SPSB4: variants seen among roughly 807,000 people sequenced by gnomAD.
SPSB4 encodes SPRY domain-containing SOCS box protein 4.
In SPSB4, 21 loss-of-function variants were observed where a neutral mutation model predicts 20.9. That is an observed-to-expected ratio of 1.01 (90% confidence interval 0.71 to 1.45). The LOEUF is 1.45. Among genes scored for constraint, SPSB4 ranks in the 40% most tolerant of loss-of-function variants. The probability of loss-of-function intolerance (pLI) is 0.00; values close to 1 mark genes in which losing one functional copy is unlikely to be tolerated. For synonymous variants in SPSB4, 207 were observed against 183.8 expected (o/e 1.13, Z -1.02); for missense variants, 399 against 399.2 (o/e 1.00, Z 0.00).
At chr3:141,093,695 C>T (rs954736081) in intron 2 of SPSB4, among the ~76,000 whole-genome samples, 2 of 152,160 alleles carry the variant, frequency 1.3e-5, no homozygotes, top group African/African-American at 4.8e-5. Context: ...TCCCATCATC[C>T]CACATGCATA....
At chr3:141,095,258 T>C (rs1182270942) in intron 2 of SPSB4, among the ~76,000 whole-genome samples, 1 of 152,082 alleles carries the variant, frequency 6.6e-6, no homozygotes, top group Non-Finnish European at 1.5e-5. Context: ...GCGGAGAGCA[T>C]GTTCAGGAAG....
intron 2 of SPSB4, among the ~76,000 whole-genome samples, chr3:141,142,822 TTTTTTTTTTTTTGA>T (rs1297722483): frequency 2.1e-4 from 25 of 116,518 alleles, no homozygotes; most frequent in African/African-American, 9.4e-4. Flanking sequence ...TTTTTTTTTT[TTTTTTTTTTTTTGA>T]GACAGAGTCT....
At chr3:141,147,088 A>C in intron 2 of SPSB4, 54 bp from the exon 3 acceptor site, 1 of 1,604,072 alleles carries the variant, frequency 6.2e-7, no homozygotes, top group South Asian at 1.1e-5. Flanking sequence ...GGCTGGGATG[A>C]GAAGGTGCCA....
intron 2 of SPSB4, among the ~76,000 whole-genome samples, chr3:141,099,305 C>T (rs1938585005): frequency 6.6e-6 from 1 of 152,076 alleles, no homozygotes; most frequent in Admixed American, 6.5e-5. Flanking sequence ...CTGCCTCAGC[C>T]TCCCGTGTAG....
At chr3:141,055,084 G>A (rs1398948380) in intron 1 of SPSB4, among the ~76,000 whole-genome samples, 1 of 152,238 alleles carries the variant, frequency 6.6e-6, no homozygotes, top group African/African-American at 2.4e-5. Flanking sequence ...TACGAGTATT[G>A]GAGATAAAGG....
chr3:141,107,553 C>A (rs755870909), intron 2 of SPSB4, among the ~76,000 whole-genome samples: 8 of 152,198 alleles, frequency 5.3e-5, no homozygotes, highest in Admixed American at 2.6e-4. Flanking sequence ...AAGGTAGTCC[C>A]TTAGGTTTCT....
intron 2 of SPSB4, among the ~76,000 whole-genome samples, chr3:141,134,037 T>TTTC (rs201327285): frequency 0.28 from 31,472 of 114,178 alleles, 4,311 homozygotes; most frequent in African/African-American, 0.42. Context: ...TTTCTTTTCT[T>TTTC]TTTTTTTTTT....
In SPSB4 at chr3:141,066,430, G is replaced by T; in HGVS notation, c.326G>T (p.Arg109Leu). 4.0e-6 allele frequency: 6 copies of T among 1,514,008 alleles called. No homozygotes were observed. Among genetic ancestry groups the T allele is most frequent in the Non-Finnish European group, 5.3e-6 (6 of 1,132,376 alleles). 93.8% of individuals were successfully genotyped at this position (1,514,008 alleles called of 1,614,324 possible). ...CAGATCAACTGGCCGGCTCGGCAGC[G>T]CGGCACCCACGCTGTAGTTGGTGTG... The part of the protein sequence containing the change: ...AWQINWPARQ[R>L]GTHAVVGVAT... The change falls in exon 2 of 3, where the codon CGC (arginine) becomes CTC (leucine). Residue 109 changes from arginine (R) to leucine (L), a missense_variant. Arg to Leu is a moderately radical substitution (Grantham distance 102, BLOSUM62 -2). Coordinates refer to ENST00000310546, the MANE Select transcript of SPSB4 (RefSeq NM_080862.3).
At chr3:141,105,232 G>A (rs923308607) in intron 2 of SPSB4, among the ~76,000 whole-genome samples, 2 of 152,224 alleles carry the variant, frequency 1.3e-5, no homozygotes, top group Admixed American at 6.5e-5. Flanking sequence ...TGAGGCTGAG[G>A]TGCGTGGTGA....
chr3:141,094,929 A>C (rs576790597), intron 2 of SPSB4, among the ~76,000 whole-genome samples: 14 of 151,782 alleles, frequency 9.2e-5, no homozygotes, highest in Non-Finnish European at 1.8e-4. Flanking sequence ...CTTGTCTCCG[A>C]GACCTCATCC....
At chr3:141,145,777 GCTGATGCTAACTGATCAGCA>G (rs1480566051) in intron 2 of SPSB4, among the ~76,000 whole-genome samples, 3 of 152,036 alleles carry the variant, frequency 2.0e-5, no homozygotes, top group Non-Finnish European at 4.4e-5. Flanking sequence ...CTTCCTTCCA[GCTGATGCTAACTGATCAGCA>G]CTGTTCCTCT....
intron 2 of SPSB4, among the ~76,000 whole-genome samples, chr3:141,122,525 G>C (rs2107801771): frequency 6.6e-6 from 1 of 152,368 alleles, no homozygotes; most frequent in East Asian, 1.9e-4. Flanking sequence ...CCTGCCCACA[G>C]AGGTGGAATC....
At chr3:141,113,818 G>A (rs775516998) in intron 2 of SPSB4, among the ~76,000 whole-genome samples, 2 of 152,204 alleles carry the variant, frequency 1.3e-5, no homozygotes, top group East Asian at 1.9e-4. Flanking sequence ...AATTTTGGCC[G>A]AGCGTGGTGG....
At chr3:141,140,256 T>C (rs1939302506) in intron 2 of SPSB4, among the ~76,000 whole-genome samples, 1 of 152,206 alleles carries the variant, frequency 6.6e-6, no homozygotes, top group South Asian at 2.1e-4. Context: ...TCAAAGTTTT[T>C]AACTTCTTTG....
intron 2 of SPSB4, among the ~76,000 whole-genome samples, chr3:141,090,238 A>C (rs966802246): frequency 6.6e-6 from 1 of 152,214 alleles, no homozygotes; most frequent in Admixed American, 6.5e-5. Flanking sequence ...TTGAGTACCT[A>C]CTACATGCCA....
chr3:141,112,686 T>A (rs1938821888), intron 2 of SPSB4, among the ~76,000 whole-genome samples: 1 of 149,482 alleles, frequency 6.7e-6, no homozygotes, highest in Admixed American at 6.7e-5. Flanking sequence ...AGGAATCTTG[T>A]TCAACTAAAT....
intron 2 of SPSB4, among the ~76,000 whole-genome samples, chr3:141,134,830 C>T (rs1939198334): frequency 6.7e-6 from 1 of 149,306 alleles, no homozygotes; most frequent in South Asian, 2.1e-4. Context: ...ATACTGGCTT[C>T]ATAGAATAAT....
At position 141,147,810 on chromosome 3, in the gene SPSB4, T is replaced by C. The variant is rs914743213; in HGVS notation, c.*541T>C. 4 of 156,256 alleles carry C rather than the reference T, an allele frequency of 2.6e-5. No individual in the cohort carries two copies. Among genetic ancestry groups the C allele is most frequent in the African/African-American group, 9.6e-5 (4 of 41,468 alleles). 9.7% of individuals were successfully genotyped at this position (156,256 alleles called of 1,614,324 possible). A position where few individuals can be genotyped will look rare whatever the true frequency, so the allele number is the denominator to read the frequency against. ...GACTCTGTGCCACTTTGAGAGACTG[T>C]TCCCAGGAGGCCCAACCGCAGACCT... On this transcript the variant is annotated 3_prime_UTR_variant, in exon 3 of 3. Coordinates refer to ENST00000310546, the MANE Select transcript of SPSB4 (RefSeq NM_080862.3).
intron 2 of SPSB4, among the ~76,000 whole-genome samples, chr3:141,092,594 C>T (rs1043970892): frequency 2.6e-5 from 4 of 152,242 alleles, no homozygotes; most frequent in Non-Finnish European, 5.9e-5. Context: ...GCTCAGGCAG[C>T]TACCACCTTT....
Sources: allele counts gnomAD v4.1 joint callset (sites outside exome capture counted in the v4.1 genomes callset), GRCh38; gene constraint gnomAD v4.1.1; transcripts MANE v1.5; gene names NCBI Gene and HGNC (gene_info 2026-07-23, HGNC 2026-07-21).